The following TSC22D3 variants were observed in gnomAD, a reference collection of about 807,000 sequenced individuals.
TSC22D3 encodes TSC22 domain family protein 3.
Under a neutral mutation model 11.1 loss-of-function variants are expected in TSC22D3, and 4 were observed. The ratio of observed to expected loss-of-function variants is 0.36; its 90% CI spans 0.18 to 0.83. The LOEUF is 0.83. Among genes scored for constraint, TSC22D3 ranks in the 40% least tolerant of loss-of-function variants. The pLI is 0.48. For missense variants in TSC22D3, 118 were observed against 159.4 expected (o/e 0.74, Z 1.40); for synonymous variants, 77 against 70.3 (o/e 1.10, Z -0.48).
chrX:107,744,400 G>T (rs1247547326), intron 1 of TSC22D3, among the ~76,000 whole-genome samples: 1 of 110,903 alleles, frequency 9.0e-6, no homozygotes, highest in Admixed American at 9.6e-5. Context: ...CGGATTGCTT[G>T]AGCCCAGGAG....
At chrX:107,741,003 G>A (rs942090651) in intron 1 of TSC22D3, among the ~76,000 whole-genome samples, 2 of 109,864 alleles carry the variant, frequency 1.8e-5, no homozygotes, top group Non-Finnish European at 3.8e-5. Flanking sequence ...TTGAGGTGTG[G>A]CCAGGCTGGC....
chrX:107,734,271 G>A (rs1187284629), intron 1 of TSC22D3, among the ~76,000 whole-genome samples: 2 of 112,341 alleles, frequency 1.8e-5, no homozygotes, highest in African/African-American at 6.5e-5. Context: ...TAACAGCTCT[G>A]CTCCTATACA....
chrX:107,731,820 C>A (rs911972097), intron 1 of TSC22D3, among the ~76,000 whole-genome samples: 3 of 88,551 alleles, frequency 3.4e-5, no homozygotes, highest in Non-Finnish European at 6.2e-5. Flanking sequence ...ACAAAGGCAG[C>A]AAGCAAGAGC....
chrX:107,743,613 A>T lies in TSC22D3; in HGVS notation c.321-27663T>A, dbSNP rs144790698. Among the ~76,000 whole-genome samples, 653 of 111,911 alleles carry T rather than the reference A, an allele frequency of 5.8e-3. 13 individuals are homozygous for T. Among genetic ancestry groups the T allele is most frequent in the African/African-American group, 0.02 (619 of 30,753 alleles). On this transcript the variant is annotated intron_variant, in intron 1 of 2. Coordinates refer to ENST00000372383, the MANE Select transcript of TSC22D3 (RefSeq NM_198057.3). The stretch of plus-strand genomic sequence containing the variant: ...AGGATGCTTGTGTGGTGCAGGGAGC[A>T]CTCTAGACCCCTTTACTTGTCAATA...
At position 107,714,024 on chromosome X, in the gene TSC22D3, A is replaced by G. The variant is rs974719596; in HGVS notation, c.*495T>C. On this transcript the variant is annotated 3_prime_UTR_variant, in exon 3 of 3. Coordinates refer to ENST00000372383, the MANE Select transcript of TSC22D3 (RefSeq NM_198057.3). Reference sequence around the variant, plus strand: ...ACCAACAGAAGGCTGACTTGGCTCAATCTCTCCCATCTGTGTCCCCTGCCT... The same window carrying G: ...ACCAACAGAAGGCTGACTTGGCTCAGTCTCTCCCATCTGTGTCCCCTGCCT... 1 of 116,081 alleles carries G rather than the reference A, an allele frequency of 8.6e-6. No individual in the cohort carries two copies. Among genetic ancestry groups the G allele is most frequent in the African/African-American group, 3.2e-5 (1 of 30,960 alleles). 9.6% of individuals were successfully genotyped at this position (116,081 alleles called of 1,213,427 possible).
intron 1 of TSC22D3, among the ~76,000 whole-genome samples, chrX:107,744,816 C>T (rs1928580520): frequency 9.0e-6 from 1 of 111,540 alleles, no homozygotes; most frequent in Non-Finnish European, 1.9e-5. Flanking sequence ...TGATTTTTTC[C>T]ATGTATATCC....
At chrX:107,752,238 C>T (rs1928966613) in intron 1 of TSC22D3, among the ~76,000 whole-genome samples, 2 of 112,038 alleles carry the variant, frequency 1.8e-5, no homozygotes, top group South Asian at 7.5e-4. Context: ...ATTCCTCTAT[C>T]CAAGCTGAAA....
chrX:107,767,415 CCATT>C (rs1394595686), intron 1 of TSC22D3, among the ~76,000 whole-genome samples: 3 of 111,110 alleles, frequency 2.7e-5, no homozygotes, highest in African/African-American at 9.8e-5. Context: ...GGGAAGCTTC[CCATT>C]CAGTCTTCTG....
intron 2 of TSC22D3, among the ~76,000 whole-genome samples, chrX:107,715,296 C>T (rs919994521): frequency 8.9e-6 from 1 of 112,222 alleles, no homozygotes; most frequent in East Asian, 2.8e-4. Flanking sequence ...GGACATTGGC[C>T]TTGGGGAAAG....
chrX:107,760,334 G>C (rs1263679909), intron 1 of TSC22D3, among the ~76,000 whole-genome samples: 1 of 112,635 alleles, frequency 8.9e-6, no homozygotes, highest in African/African-American at 3.2e-5. Flanking sequence ...ACCCAAAGCT[G>C]GTCTCCTGGC....
rs1159708947 is a variant in TSC22D3 at position 107,725,932 on chromosome X, C to T, written c.321-9982G>A. Among the ~76,000 whole-genome samples the T allele has an allele frequency of 2.7e-5, 3 of 111,818 alleles. No homozygotes were observed. The Admixed American group carries it at 2.8e-4, about 11-fold the overall frequency. ...GGCCCAACCTCCCTTCTACAGGAAC[C>T]AGCTCTTCTCCAGCCTTGTGGCTGT... On this transcript the variant is annotated intron_variant, in intron 1 of 2. Transcript: ENST00000372383.
chrX:107,714,054 G>A lies in TSC22D3; in HGVS notation c.*465C>T, dbSNP rs374793446. On this transcript the variant is annotated 3_prime_UTR_variant, in exon 3 of 3. Coordinates refer to ENST00000372383, the MANE Select transcript of TSC22D3 (RefSeq NM_198057.3). Reference sequence around the variant, plus strand: ...TCCCATCTGTGTCCCCTGCCTTCACGAAACAGAGGAGAAGAGAGAGGTTGC... The same window carrying A: ...TCCCATCTGTGTCCCCTGCCTTCACAAAACAGAGGAGAAGAGAGAGGTTGC... 8.5e-5 allele frequency: 10 copies of A among 117,460 alleles called. No individual in the cohort carries two copies. Among genetic ancestry groups the A allele is most frequent in the East Asian group, 2.6e-4 (1 of 3,811 alleles). The allele number at this position is 117,460 out of a possible 1,213,427, so 9.7% of individuals were successfully genotyped here.
intron 1 of TSC22D3, among the ~76,000 whole-genome samples, chrX:107,738,591 C>A (rs955263124): frequency 1.8e-5 from 2 of 113,104 alleles, no homozygotes; most frequent in Admixed American, 1.8e-4. Context: ...TTTTCATGGG[C>A]GAGATGTTTC....
intron 1 of TSC22D3, among the ~76,000 whole-genome samples, chrX:107,727,033 C>T (rs993763192): frequency 7.2e-5 from 8 of 111,459 alleles, no homozygotes; most frequent in Non-Finnish European, 1.3e-4. Flanking sequence ...GTTGAGGGGA[C>T]GAGAGTTTCA....
chrX:107,716,865 G>C, intron 1 of TSC22D3: 1 of 1,198,884 alleles, frequency 8.3e-7, no homozygotes, highest in Non-Finnish European at 1.1e-6. Context: ...TGGGCGGCTG[G>C]GCGGCTGGGT....
intron 1 of TSC22D3, among the ~76,000 whole-genome samples, chrX:107,744,345 G>T (rs1928557846): frequency 1.8e-5 from 2 of 111,079 alleles, no homozygotes; most frequent in Non-Finnish European, 3.8e-5. Flanking sequence ...GCTGGGTGCG[G>T]TGGCTCACAC....
At chrX:107,750,086 T>C in intron 1 of TSC22D3, among the ~76,000 whole-genome samples, 1 of 111,630 alleles carries the variant, frequency 9.0e-6, no homozygotes, top group Non-Finnish European at 1.9e-5. Flanking sequence ...AGGAGTTCGA[T>C]GTTATTGTAT....
chrX:107,770,452 C>T (rs1929857662), intron 1 of TSC22D3, among the ~76,000 whole-genome samples: 1 of 111,943 alleles, frequency 8.9e-6, no homozygotes, highest in Non-Finnish European at 1.9e-5. Flanking sequence ...TATATCCTTC[C>T]CCTTTGTTAC....
At chrX:107,714,822 A>T in intron 2 of TSC22D3, 73 bp from the exon 3 acceptor site, 8 of 1,030,433 alleles carry the variant, frequency 7.8e-6, no homozygotes, top group Non-Finnish European at 9.4e-6. Context: ...TTGCTCTGTC[A>T]TTGGTGTGCC....
Sources: gnomAD v4.1 joint callset for allele counts (sites outside exome capture counted in the v4.1 genomes callset) on GRCh38, gnomAD v4.1.1 for gene constraint, MANE v1.5 for transcripts, NCBI Gene and HGNC (gene_info 2026-07-23, HGNC 2026-07-21) for gene names.